The following COL4A6 variants were observed in gnomAD, a reference collection of about 807,000 sequenced individuals.
COL4A6 encodes the protein collagen alpha-6(IV) chain.
Under a neutral mutation model 126.7 loss-of-function variants are expected in COL4A6, and 59 were observed. That is an observed-to-expected ratio of 0.47 (90% CI 0.38 to 0.58). The LOEUF (loss-of-function observed/expected upper bound fraction) is 0.58, where lower values mean the gene tolerates loss of function less well. Among genes scored for constraint, COL4A6 ranks in the 20% least tolerant of loss-of-function variants. The pLI, the probability that COL4A6 is intolerant of heterozygous loss-of-function variation, is 0.00. For synonymous variants in COL4A6, 547 were observed against 496.6 expected, an observed-to-expected ratio of 1.10 and a Z score of -1.35; for missense variants, 1,285 against 1,337.3, an observed-to-expected ratio of 0.96 and a Z score of 0.61.
At chrX:108,268,527 C>A (rs1340807318) in intron 3 of COL4A6, 1 of 112,848 alleles carries the variant, frequency 8.9e-6, no homozygotes, top group African/African-American at 3.2e-5. Flanking sequence ...CTAGAGCCCA[C>A]AACTGTGCCA....
At chrX:108,427,325 C>T (rs2064104281) in intron 2 of COL4A6, among the ~76,000 whole-genome samples, 1 of 111,661 alleles carries the variant, frequency 9.0e-6, no homozygotes, top group Non-Finnish European at 1.9e-5. Context: ...ACAACAATGC[C>T]TGGCACATAG....
chrX:108,398,183 C>T (rs902196515), intron 2 of COL4A6, among the ~76,000 whole-genome samples: 2 of 112,251 alleles, frequency 1.8e-5, no homozygotes, highest in African/African-American at 6.5e-5. Context: ...AATCAATCTT[C>T]GCAAATCCTT....
At chrX:108,277,359 T>C (rs1353365158) in intron 3 of COL4A6, among the ~76,000 whole-genome samples, 1 of 111,895 alleles carries the variant, frequency 8.9e-6, no homozygotes, top group Non-Finnish European at 1.9e-5. Flanking sequence ...GCTCAGAGGG[T>C]CCTACGCCCA....
chrX:108,281,700 C>T (rs1410711355), intron 3 of COL4A6, among the ~76,000 whole-genome samples: 1 of 110,582 alleles, frequency 9.0e-6, no homozygotes, highest in African/African-American at 3.3e-5. Context: ...CAATCCTAGG[C>T]CAAAAGAACA....
intron 41 of COL4A6, 105 bp from the exon 42 acceptor site, chrX:108,161,840 C>T (rs927700364): frequency 3.9e-5 from 20 of 515,490 alleles, no homozygotes; most frequent in African/African-American, 1.2e-4. Flanking sequence ...CACTAGGAGA[C>T]GATGCACTTG....
chrX:108,425,096 G>A (rs1277494947), intron 2 of COL4A6, among the ~76,000 whole-genome samples: 1 of 110,629 alleles, frequency 9.0e-6, no homozygotes, highest in Non-Finnish European at 1.9e-5. Context: ...ATTCAAATGG[G>A]TTACATACCA....
Position 108,157,191 on chromosome X carries a change from G to A in COL4A6, c.4882C>T (p.Arg1628Trp), listed in dbSNP as rs765464545. 3.2e-5 allele frequency: 39 copies of A among 1,210,391 alleles called. No homozygotes were observed. The highest frequency in any genetic ancestry group is 2.5e-4 in the South Asian group (14 of 56,819). Residue 1628 changes from arginine (R) to tryptophan (W), a missense_variant, in exon 45 of 45, where the codon CGG becomes TGG. Transcript: ENST00000334504. ...VSPGSCLEDF[R>W]ATPFIECSGA... ...CTGCATTCGATGAAAGGAGTGGCCC[G>A]AAAGTCCTCTAGGCAGGAGCCAGGT...
intron 16 of COL4A6, 46 bp downstream of exon 16, chrX:108,194,488 C>T: frequency 9.0e-7 from 1 of 1,114,737 alleles, no homozygotes; most frequent in South Asian, 2.0e-5. Flanking sequence ...TGTGGTAATT[C>T]ACTCTTCTAC....
Position 108,372,867 on chromosome X carries a change from T to A in COL4A6, c.64-62039A>T, listed in dbSNP as rs187747177. Among the ~76,000 whole-genome samples the A allele has an allele frequency of 1.3e-4, 15 of 112,177 alleles. No homozygotes were observed. In the East Asian group the frequency reaches 3.6e-3, roughly 27 times the overall value. On this transcript the variant is annotated intron_variant, in intron 2 of 44. Transcript: ENST00000334504. Reference sequence around the variant, plus strand: ...TAGTATGTAGTATTATTATTCCACTTTAATAATTAGAAAATTCTTGTTCAG... The same window carrying A: ...TAGTATGTAGTATTATTATTCCACTATAATAATTAGAAAATTCTTGTTCAG...
intron 2 of COL4A6, among the ~76,000 whole-genome samples, chrX:108,390,305 A>C (rs1372142858): frequency 1.8e-5 from 2 of 111,003 alleles, no homozygotes; most frequent in Non-Finnish European, 3.8e-5. Flanking sequence ...GTTCTCCTGG[A>C]TAATATCCTG....
At chrX:108,236,948 G>A (rs752564010) in intron 3 of COL4A6, among the ~76,000 whole-genome samples, 1 of 111,444 alleles carries the variant, frequency 9.0e-6, no homozygotes, top group Non-Finnish European at 1.9e-5. Flanking sequence ...GTCTTCACTG[G>A]CCCCTTCCAT....
chrX:108,231,299 A>C (rs993293330), intron 3 of COL4A6, among the ~76,000 whole-genome samples: 2 of 112,127 alleles, frequency 1.8e-5, no homozygotes, highest in Admixed American at 1.9e-4. Context: ...TTTTGTTTTC[A>C]AAGATACATA....
chrX:108,340,736 AG>A (rs2039541052), intron 2 of COL4A6, among the ~76,000 whole-genome samples: 1 of 108,788 alleles, frequency 9.2e-6, no homozygotes, highest in Admixed American at 9.9e-5. Flanking sequence ...TGAAAAATGC[AG>A]TAAAAATATA....
intron 3 of COL4A6, among the ~76,000 whole-genome samples, chrX:108,245,191 G>A (rs997705781): frequency 3.6e-5 from 4 of 112,423 alleles, no homozygotes; most frequent in African/African-American, 1.3e-4. Context: ...AAAAAGGTCA[G>A]TCCGATAACA....
intron 2 of COL4A6, among the ~76,000 whole-genome samples, chrX:108,371,195 A>G (rs768089221): frequency 7.3e-5 from 8 of 110,082 alleles, no homozygotes; most frequent in Admixed American, 2.0e-4. Context: ...TTTTAAAATA[A>G]CATCTATTGT....
chrX:108,386,338 A>C (rs1248325225), intron 2 of COL4A6, among the ~76,000 whole-genome samples: 1 of 112,089 alleles, frequency 8.9e-6, no homozygotes, highest in Non-Finnish European at 1.9e-5. Flanking sequence ...TCCCACCAAC[A>C]GTGTAAAAGC....
chrX:108,293,362 G>A (rs1429058538), intron 3 of COL4A6, among the ~76,000 whole-genome samples: 1 of 111,522 alleles, frequency 9.0e-6, no homozygotes, highest in Non-Finnish European at 1.9e-5. Context: ...CCTATGATAA[G>A]TACTTAATAT....
intron 2 of COL4A6, among the ~76,000 whole-genome samples, chrX:108,341,833 A>T (rs2039573626): frequency 1.8e-5 from 2 of 112,007 alleles, no homozygotes; most frequent in South Asian, 7.4e-4. Flanking sequence ...AAATGCACCC[A>T]CTAAACTCTG....
At chrX:108,176,765 G>C in intron 28 of COL4A6, 76 bp downstream of exon 28, 1 of 1,034,652 alleles carries the variant, frequency 9.7e-7, no homozygotes, top group Non-Finnish European at 1.3e-6. Flanking sequence ...CCTAGGCAGA[G>C]AGGAAGGAGC....
Sources: allele counts gnomAD v4.1 joint callset (sites outside exome capture counted in the v4.1 genomes callset), GRCh38; gene constraint gnomAD v4.1.1; transcripts MANE v1.5; gene names NCBI Gene and HGNC (gene_info 2026-07-23, HGNC 2026-07-21).